The following LARGE1 variants were observed in gnomAD, a reference collection of about 807,000 sequenced individuals.
LARGE1 encodes the protein LARGE xylosyl- and glucuronyltransferase 1, also known as xylosyl- and glucuronyltransferase LARGE1.
Under a neutral mutation model 87.6 loss-of-function variants are expected in LARGE1, and 43 were observed. The observed-to-expected ratio is 0.49, with a 90% CI of 0.38 to 0.63. The LOEUF (loss-of-function observed/expected upper bound fraction) is 0.63. Among genes scored for constraint, LARGE1 ranks in the 30% least tolerant of loss-of-function variants. LARGE1 has a pLI of 0.00. For missense variants in LARGE1, 802 were observed against 1,000.2 expected (o/e 0.80, Z 2.67); for synonymous variants, 434 against 394.6 (o/e 1.10, Z -1.18).
chr22:33,785,319 C>A (rs919620735), intron 1 of LARGE1, among the ~76,000 whole-genome samples: 7 of 151,962 alleles, frequency 4.6e-5, no homozygotes, highest in Non-Finnish European at 1.0e-4. Flanking sequence ...ACACACCCCA[C>A]TTAAATTAGC....
In LARGE1 at chr22:33,650,502, T is replaced by TGGGGCTCGGCCCTGGGCC; in HGVS notation, c.255_272dup (p.Ala86_Pro91dup). 3.7e-6 allele frequency: 6 copies of TGGGGCTCGGCCCTGGGCC among 1,613,456 alleles called. No individual in the cohort carries two copies. The highest frequency in any genetic ancestry group is 4.2e-6 in the Non-Finnish European group (5 of 1,180,018). Reference sequence around the variant, plus strand: ...TGGAGTGGTTGCCTCGGCGATGGGATGGGGCTCGGCCCTGGGCCAGGCTGA... The same window carrying TGGGGCTCGGCCCTGGGCC: ...TGGAGTGGTTGCCTCGGCGATGGGATGGGGCTCGGCCCTGGGCCGGGGCTCGGCCCTGGGCCAGGCTGA... On this transcript the variant is annotated inframe_insertion, in exon 3 of 15. Coordinates refer to ENST00000397394, the MANE Select transcript of LARGE1 (RefSeq NM_133642.5).
At chr22:33,919,797 G>C (rs2065891791) in intron 1 of LARGE1, among the ~76,000 whole-genome samples, 198 bp downstream of exon 1, 2 of 152,208 alleles carry the variant, frequency 1.3e-5, no homozygotes, top group South Asian at 4.1e-4. Flanking sequence ...AGGCCCTGAG[G>C]GGGTCCTGGG....
intron 2 of LARGE1, among the ~76,000 whole-genome samples, chr22:33,702,964 G>T (rs780054413): frequency 6.6e-6 from 1 of 152,194 alleles, no homozygotes; most frequent in African/African-American, 2.4e-5. Context: ...CCCTGGCAAA[G>T]AAGGCAGGAA....
chr22:33,670,642 A>T (rs1199560791), intron 2 of LARGE1, among the ~76,000 whole-genome samples: 3 of 152,158 alleles, frequency 2.0e-5, no homozygotes, highest in Admixed American at 1.3e-4. Flanking sequence ...ATTAGAATGC[A>T]CTAATTCCTT....
chr22:33,147,663 T>C, the LARGE1 span, among the ~76,000 whole-genome samples: 1 of 152,202 alleles, frequency 6.6e-6, no homozygotes, highest in Non-Finnish European at 1.5e-5. Flanking sequence ...ATTGAAAGAA[T>C]ACTAATTCAA....
intron 7 of LARGE1, among the ~76,000 whole-genome samples, chr22:33,420,570 G>A (rs963162195): frequency 2.0e-5 from 3 of 152,138 alleles, no homozygotes; most frequent in Admixed American, 6.5e-5. Context: ...GGAGTGGAGC[G>A]AGTGTGGGGA....
chr22:33,111,578 CG>C, the LARGE1 span, among the ~76,000 whole-genome samples: 26 of 152,238 alleles, frequency 1.7e-4, no homozygotes, highest in Non-Finnish European at 3.7e-4. Flanking sequence ...CAATTCCCCC[CG>C]TCCAGACTCA....
At chr22:33,743,211 A>C (rs967589528) in intron 2 of LARGE1, 3 of 152,040 alleles carry the variant, frequency 2.0e-5, no homozygotes, top group Admixed American at 2.0e-4. Context: ...GAGTCAAATA[A>C]GCCTCTTTTC....
At chr22:33,067,437 G>A in the LARGE1 span, among the ~76,000 whole-genome samples, 5 of 152,106 alleles carry the variant, frequency 3.3e-5, no homozygotes, top group African/African-American at 1.2e-4. Flanking sequence ...GATAATGATA[G>A]TAATAATTAA....
intron 11 of LARGE1, among the ~76,000 whole-genome samples, chr22:33,206,953 A>G (rs1924717870): frequency 6.6e-6 from 1 of 152,186 alleles, no homozygotes; most frequent in Non-Finnish European, 1.5e-5. Context: ...TTTATATTCA[A>G]TTCAAAGCAT....
intron 1 of LARGE1, among the ~76,000 whole-genome samples, chr22:33,856,262 C>T (rs1237349216): frequency 6.6e-6 from 1 of 152,206 alleles, no homozygotes; most frequent in African/African-American, 2.4e-5. Context: ...AAATGTTCTC[C>T]ACCCAGACAA....
intron 9 of LARGE1, among the ~76,000 whole-genome samples, chr22:33,343,271 A>G (rs1184683036): frequency 6.6e-6 from 1 of 152,012 alleles, no homozygotes; most frequent in Non-Finnish European, 1.5e-5. Flanking sequence ...GGCACACACC[A>G]CCATGTCCAG....
intron 9 of LARGE1, among the ~76,000 whole-genome samples, chr22:33,368,473 G>T (rs1455869677): frequency 6.8e-6 from 1 of 146,264 alleles, no homozygotes. Flanking sequence ...AGTGAAGGTT[G>T]CAGTGAGCTG....
At chr22:33,255,889 C>T (rs1369958518) in intron 11 of LARGE1, among the ~76,000 whole-genome samples, 1 of 152,126 alleles carries the variant, frequency 6.6e-6, no homozygotes, top group Admixed American at 6.6e-5. Flanking sequence ...AGTCAGTTCC[C>T]GGGATCAAGT....
intron 4 of LARGE1, among the ~76,000 whole-genome samples, chr22:33,617,066 C>T (rs980293887): frequency 5.3e-5 from 8 of 152,194 alleles, no homozygotes; most frequent in Non-Finnish European, 1.0e-4. Flanking sequence ...TTCTGGGCTT[C>T]CTTCCCTAGG....
rs1375953200 is a variant in LARGE1 at position 33,500,538 on chromosome 22, G to A, written c.787+64310C>T. On this transcript the variant is annotated intron_variant, in intron 6 of 14. Transcript: ENST00000397394. ...TAGTGAATTTGTTAAAGAAAAATTG[G>A]TCTCATAGCTTCCTGGTTTACAACG... 2.6e-5 allele frequency among the ~76,000 whole-genome samples: 4 copies of A among 152,124 alleles called. No homozygotes were observed. In the South Asian group the frequency reaches 8.3e-4, roughly 32 times the overall value.
chr22:33,328,113 G>A (rs1443778069), intron 10 of LARGE1, among the ~76,000 whole-genome samples: 2 of 152,092 alleles, frequency 1.3e-5, no homozygotes, highest in Non-Finnish European at 2.9e-5. Context: ...AAAAATGAAG[G>A]AGCCCTGGAG....
intron 5 of LARGE1, among the ~76,000 whole-genome samples, chr22:33,596,918 G>T (rs1198853795): frequency 1.3e-5 from 2 of 152,188 alleles, no homozygotes; most frequent in Non-Finnish European, 2.9e-5. Flanking sequence ...TCTGTCCATT[G>T]CTCTGGGTAT....
intron 7 of LARGE1, among the ~76,000 whole-genome samples, chr22:33,405,907 G>T (rs2066080541): frequency 6.6e-6 from 1 of 152,110 alleles, no homozygotes; most frequent in South Asian, 2.1e-4. Context: ...TAACTCATTA[G>T]AATAAATGAA....
Sources: allele counts gnomAD v4.1 joint callset (sites outside exome capture counted in the v4.1 genomes callset), GRCh38; gene constraint gnomAD v4.1.1; transcripts MANE v1.5; gene names NCBI Gene and HGNC (gene_info 2026-07-23, HGNC 2026-07-21).